The following CYREN variants were observed in gnomAD, a reference collection of about 807,000 sequenced individuals.
The protein encoded by CYREN is cell cycle regulator of non-homologous end joining.
A neutral mutation model predicts 9.7 loss-of-function variants in CYREN; 7 were observed. The ratio of observed to expected loss-of-function variants is 0.72; its 90% CI spans 0.41 to 1.36. CYREN has a LOEUF of 1.36. Among genes scored for constraint, CYREN ranks in the 40% most tolerant of loss-of-function variants. CYREN has a pLI of 0.01. For synonymous variants in CYREN, 76 were observed against 77.9 expected, an observed-to-expected ratio of 0.98 and a Z score of 0.13; for missense variants, 215 against 198.1, an observed-to-expected ratio of 1.09 and a Z score of -0.51.
At chr7:135,093,518 A>C (rs1822180531) in exon 3 of CYREN, 1 of 152,236 alleles carries the variant, frequency 6.6e-6, no homozygotes, top group South Asian at 2.1e-4. Context: ...ATTAGCATCA[A>C]AAAGAACAAA....
chr7:135,097,011 G>C (rs1822998266), intron 2 of CYREN, among the ~76,000 whole-genome samples: 1 of 152,178 alleles, frequency 6.6e-6, no homozygotes, highest in Non-Finnish European at 1.5e-5. Context: ...AATTGAAAGT[G>C]TTTTTATGAC....
chr7:135,104,465 G>A (rs1438961349), intron 2 of CYREN, among the ~76,000 whole-genome samples: 3 of 152,086 alleles, frequency 2.0e-5, no homozygotes, highest in Admixed American at 2.0e-4. Context: ...TTACCAGGTT[G>A]AGTGGTAATT....
intron 2 of CYREN, among the ~76,000 whole-genome samples, chr7:135,150,217 ATTAG>A (rs1829635594): frequency 6.6e-6 from 1 of 152,184 alleles, no homozygotes; most frequent in Admixed American, 6.5e-5. Context: ...TTGCTTCAGT[ATTAG>A]TTAATGAAGA....
At chr7:135,139,227 C>G (rs141586236) in intron 2 of CYREN, among the ~76,000 whole-genome samples, 1 of 152,092 alleles carries the variant, frequency 6.6e-6, no homozygotes, top group Non-Finnish European at 1.5e-5. Flanking sequence ...TGTAAGCATT[C>G]CCTTTCCTCT....
At chr7:135,111,053 C>T (rs1825566956) in intron 2 of CYREN, among the ~76,000 whole-genome samples, 1 of 152,164 alleles carries the variant, frequency 6.6e-6, no homozygotes. Context: ...TCTCTCCTAC[C>T]TAACATCTCC....
intron 2 of CYREN, chr7:135,134,833 T>C (rs1354836886): frequency 6.5e-7 from 1 of 1,546,904 alleles, no homozygotes. Context: ...ATTTCATTTC[T>C]TTTCTAGACT....
chr7:135,104,946 T>C (rs1282593998), intron 2 of CYREN, among the ~76,000 whole-genome samples: 1 of 152,130 alleles, frequency 6.6e-6, no homozygotes, highest in African/African-American at 2.4e-5. Context: ...CATTTGTCAA[T>C]TTTTGCTTTT....
chr7:135,109,389 C>T (rs1220680114), intron 2 of CYREN, among the ~76,000 whole-genome samples: 4 of 151,722 alleles, frequency 2.6e-5, no homozygotes, highest in Admixed American at 1.3e-4. Context: ...GCTATTGGCT[C>T]GATAGCCCCA....
At chr7:135,113,523 CT>C (rs1347586743) in intron 2 of CYREN, among the ~76,000 whole-genome samples, 2 of 152,116 alleles carry the variant, frequency 1.3e-5, no homozygotes, top group Non-Finnish European at 2.9e-5. Flanking sequence ...ATGTATTCTA[CT>C]TTCTCTTATG....
upstream of CYREN, among the ~76,000 whole-genome samples, chr7:135,171,887 C>T (rs1005682322): frequency 5.3e-5 from 8 of 152,236 alleles, no homozygotes; most frequent in East Asian, 1.9e-4. Flanking sequence ...GCCAGAGCAG[C>T]GCATAGCAGG....
At chr7:135,107,916 T>C (rs1217494866) in intron 2 of CYREN, among the ~76,000 whole-genome samples, 1 of 152,226 alleles carries the variant, frequency 6.6e-6, no homozygotes, top group East Asian at 1.9e-4. Context: ...CATATATATT[T>C]AGAATACTTA....
chr7:135,128,890 A>T, intron 2 of CYREN: 1 of 1,391,202 alleles, frequency 7.2e-7, no homozygotes, highest in Non-Finnish European at 1.0e-6. Flanking sequence ...GATCAAGCTC[A>T]GCAGATAAAA....
At chr7:135,115,406 A>C in intron 2 of CYREN, 1 of 1,550,998 alleles carries the variant, frequency 6.4e-7, no homozygotes, top group Non-Finnish European at 8.7e-7. Context: ...AAAAAGCAAA[A>C]TAAAAGAATG....
Position 135,166,575 on chromosome 7 carries a change from T to C in CYREN, c.*36A>G. On this transcript the variant is annotated 3_prime_UTR_variant, in exon 4 of 4. Coordinates refer to ENST00000393114, the MANE Select transcript of CYREN (RefSeq NM_024033.4). Reference sequence around the variant, plus strand: ...AGTGGAAGCTCAGCTGTCCTCCAGCTGCTCTCGGCAGACAGTTCAGTGCAC... The same window carrying C: ...AGTGGAAGCTCAGCTGTCCTCCAGCCGCTCTCGGCAGACAGTTCAGTGCAC... The C allele has an allele frequency of 6.5e-7, 1 of 1,533,338 alleles. No individual in the cohort carries two copies. The allele number at this position is 1,533,338 out of a possible 1,614,324, so 95.0% of individuals were successfully genotyped here.
In CYREN at chr7:135,111,598, C is replaced by G. The variant is rs530602643; in HGVS notation, n.357-17016G>C. On this transcript the variant is annotated intron_variant and non_coding_transcript_variant, in intron 2 of 2. Transcript: ENST00000459937. ...TGTTTTTTGGTCTTTAATAACATTT[C>G]ACAATAGCTATTGTGAAATAGCTCA... 6.6e-5 allele frequency among the ~76,000 whole-genome samples: 10 copies of G among 151,332 alleles called. No homozygotes were observed. In the South Asian group the frequency reaches 2.1e-3, roughly 32 times the overall value.
At chr7:135,119,418 A>T (rs1042339654) in intron 2 of CYREN, among the ~76,000 whole-genome samples, 4 of 151,542 alleles carry the variant, frequency 2.6e-5, no homozygotes, top group African/African-American at 4.8e-5. Flanking sequence ...TTTAGTAGAG[A>T]CGAGGTTTTG....
At chr7:135,133,401 A>G (rs1829065475) in intron 2 of CYREN, among the ~76,000 whole-genome samples, 1 of 152,232 alleles carries the variant, frequency 6.6e-6, no homozygotes, top group Non-Finnish European at 1.5e-5. Flanking sequence ...AAATCCCAGC[A>G]AGATCTTTTG....
chr7:135,138,344 T>C (rs994670813), intron 2 of CYREN, among the ~76,000 whole-genome samples: 1 of 152,034 alleles, frequency 6.6e-6, no homozygotes, highest in Admixed American at 6.6e-5. Flanking sequence ...TAACAGTGTA[T>C]TCAGAAATTA....
intron 2 of CYREN, among the ~76,000 whole-genome samples, chr7:135,136,350 GTAAC>G (rs1829345141): frequency 6.6e-6 from 1 of 152,060 alleles, no homozygotes; most frequent in Non-Finnish European, 1.5e-5. Context: ...TGTTAAAAGA[GTAAC>G]TATTATGTTT....
Sources: allele counts gnomAD v4.1 joint callset (sites outside exome capture counted in the v4.1 genomes callset), GRCh38; gene constraint gnomAD v4.1.1; transcripts MANE v1.5; gene names NCBI Gene and HGNC (gene_info 2026-07-23, HGNC 2026-07-21).